Variants in RBKS observed in about 807,000 individuals in gnomAD.
The protein encoded by RBKS is ribokinase.
A neutral mutation model predicts 33.9 loss-of-function variants in RBKS; 33 were observed. The ratio of observed to expected loss-of-function variants is 0.97; its 90% CI spans 0.74 to 1.30. The LOEUF is 1.30. RBKS is among the 50% of genes most tolerant of loss of function. The probability of loss-of-function intolerance (pLI) is 0.00; values close to 1 mark genes in which losing one functional copy is unlikely to be tolerated. For missense variants in RBKS, 361 were observed against 392.6 expected (o/e 0.92, Z 0.68); for synonymous variants, 125 against 143.0 (o/e 0.87, Z 0.90).
intron 4 of RBKS, among the ~76,000 whole-genome samples, chr2:27,846,276 A>AATTC (rs903070845): frequency 1.8e-4 from 27 of 152,152 alleles, no homozygotes; most frequent in Non-Finnish European, 2.5e-4. Flanking sequence ...CCTCTGTTTT[A>AATTC]ATTCATTCAT....
intron 4 of RBKS, among the ~76,000 whole-genome samples, chr2:27,844,853 T>C (rs1663591549): frequency 6.6e-6 from 1 of 152,326 alleles, no homozygotes; most frequent in South Asian, 2.1e-4. Context: ...TTATTTTTAT[T>C]GGACAACACT....
chr2:27,873,752 C>T (rs1411275731), intron 1 of RBKS, among the ~76,000 whole-genome samples: 2 of 151,780 alleles, frequency 1.3e-5, no homozygotes, highest in African/African-American at 2.4e-5. Context: ...TGCAATGATA[C>T]AGAAGAATTG....
rs1573050845 is a variant in RBKS, at chr2:27,827,665, T to G, written c.697A>C (p.Ile233Leu). The G allele has an allele frequency of 1.9e-6, 3 of 1,614,004 alleles. No individual in the cohort carries two copies. Among genetic ancestry groups the G allele is most frequent in the Non-Finnish European group, 2.5e-6 (3 of 1,179,982 alleles). The change falls in exon 7 of 8, where the codon ATC (isoleucine) becomes CTC (leucine). Residue 233 changes from isoleucine to leucine, a missense_variant. Ile to Leu is a conservative substitution (Grantham distance 5). Coordinates refer to ENST00000302188, the MANE Select transcript of RBKS (RefSeq NM_022128.3). ...VLLKRGCQVV[I>L]ITLGAEGCVV... ...CATCCTTCAGCCCCTAAGGTAATGA[T>G]TACCACCTGGCAGCCCCTTTTCAAG...
intron 2 of RBKS, among the ~76,000 whole-genome samples, chr2:27,857,751 C>A (rs892757914): frequency 1.3e-5 from 2 of 152,164 alleles, no homozygotes; most frequent in African/African-American, 2.4e-5. Context: ...TCAGGGAATG[C>A]AGCATTAAGT....
chr2:27,805,522 G>T (rs1573040217), intron 7 of RBKS, among the ~76,000 whole-genome samples: 1 of 152,130 alleles, frequency 6.6e-6, no homozygotes, highest in East Asian at 1.9e-4. Flanking sequence ...AGCTTTCCCG[G>T]GTCCTTGTAG....
chr2:27,870,487 C>T (rs1297737098), intron 1 of RBKS: 1 of 195,262 alleles, frequency 5.1e-6, no homozygotes, highest in Non-Finnish European at 1.1e-5. Context: ...CTTTAGAAAG[C>T]CATCTCACTT....
chr2:27,830,397 C>T (rs985413209), intron 6 of RBKS, among the ~76,000 whole-genome samples: 4 of 152,088 alleles, frequency 2.6e-5, no homozygotes, highest in Non-Finnish European at 4.4e-5. Flanking sequence ...TCCTGAGTAG[C>T]TGGGCTTACA....
chr2:27,823,417 T>G (rs1678250539), intron 7 of RBKS, among the ~76,000 whole-genome samples: 1 of 152,210 alleles, frequency 6.6e-6, no homozygotes, highest in African/African-American at 2.4e-5. Context: ...ACATGCCAAC[T>G]AAAGATGTTT....
intron 7 of RBKS, among the ~76,000 whole-genome samples, chr2:27,791,518 C>T (rs935397112): frequency 6.6e-6 from 1 of 151,916 alleles, no homozygotes; most frequent in Non-Finnish European, 1.5e-5. Context: ...TGACCTCAGA[C>T]TAAATTGTAC....
intron 5 of RBKS, among the ~76,000 whole-genome samples, chr2:27,840,877 A>G (rs554439477): frequency 6.6e-6 from 1 of 152,302 alleles, no homozygotes; most frequent in East Asian, 1.9e-4. Context: ...AATGCCTGCC[A>G]TATCTTTGTC....
At chr2:27,791,652 C>A (rs1363950603) in intron 7 of RBKS, among the ~76,000 whole-genome samples, 2,247 of 54,642 alleles carry the variant, frequency 0.041, 39 homozygotes, top group African/African-American at 0.081. Flanking sequence ...ACTAAATATA[C>A]ATATACATAT....
At chr2:27,794,302 A>C (rs1297532615) in intron 7 of RBKS, among the ~76,000 whole-genome samples, 1 of 113,190 alleles carries the variant, frequency 8.8e-6, no homozygotes, top group Non-Finnish European at 1.7e-5. Flanking sequence ...CATCCCCCCC[A>C]CAAAATAATA....
rs756170394 is a variant in RBKS at position 27,827,691 on chromosome 2, A to G, written c.671T>C (p.Leu224Pro). ...AADAGEAALVLLKRGCQVVII... is the reference protein window; with the variant it reads ...AADAGEAALVPLKRGCQVVII... The stretch of plus-strand genomic sequence containing the variant: ...TACCACCTGGCAGCCCCTTTTCAAG[A>G]GCACTAATGCAGCCTCCCCAGCATC... The change falls in exon 7 of 8, where the codon CTC (leucine) becomes CCC (proline). Residue 224 changes from leucine to proline, a missense_variant. Transcript: ENST00000302188. The G allele has an allele frequency of 1.2e-5, 19 of 1,613,798 alleles. No homozygotes were observed. The highest frequency in any genetic ancestry group is 1.4e-5 in the Non-Finnish European group (17 of 1,179,968).
intron 7 of RBKS, among the ~76,000 whole-genome samples, chr2:27,806,543 T>C (rs1270481663): frequency 6.6e-6 from 1 of 152,132 alleles, no homozygotes. Context: ...ATTTTCCGGA[T>C]GAGAAACCAA....
chr2:27,802,898 C>T (rs1011787333), intron 7 of RBKS, among the ~76,000 whole-genome samples: 6 of 152,190 alleles, frequency 3.9e-5, no homozygotes, highest in Admixed American at 3.3e-4. Context: ...CAGGACTGAG[C>T]GGTCTGTTTG....
chr2:27,834,492 C>T (rs12463914), intron 5 of RBKS, among the ~76,000 whole-genome samples: 29,712 of 152,026 alleles, frequency 0.2, 4,023 homozygotes, highest in East Asian at 0.63. Context: ...TACAGATAGC[C>T]CAACACCCCC....
intron 1 of RBKS, among the ~76,000 whole-genome samples, chr2:27,886,602 C>T (rs1573083981): frequency 6.6e-6 from 1 of 152,156 alleles, no homozygotes; most frequent in Non-Finnish European, 1.5e-5. Context: ...GGGCCAGGCA[C>T]GGTGGCTCAC....
At chr2:27,845,906 C>T (rs768130259) in intron 4 of RBKS, among the ~76,000 whole-genome samples, 15 of 151,796 alleles carry the variant, frequency 9.9e-5, no homozygotes, top group East Asian at 1.9e-4. Flanking sequence ...CTTATGTAGG[C>T]GTTTTTATAA....
intron 7 of RBKS, among the ~76,000 whole-genome samples, chr2:27,793,627 C>T (rs1677580275): frequency 6.6e-6 from 1 of 152,152 alleles, no homozygotes; most frequent in South Asian, 2.1e-4. Flanking sequence ...AGAACCTGTT[C>T]CATATTCAAG....
Sources: allele counts gnomAD v4.1 joint callset (sites outside exome capture counted in the v4.1 genomes callset), GRCh38; gene constraint gnomAD v4.1.1; transcripts MANE v1.5; gene names NCBI Gene and HGNC (gene_info 2026-07-23, HGNC 2026-07-21).